The following SLA variants were observed in gnomAD, a reference collection of about 807,000 sequenced individuals.
SLA encodes the protein Src like adaptor.
A neutral mutation model predicts 30.3 loss-of-function variants in SLA; 16 were observed. The observed-to-expected ratio is 0.53, with a 90% CI of 0.36 to 0.80. The LOEUF (loss-of-function observed/expected upper bound fraction) is 0.80, where lower values mean the gene tolerates loss of function less well. Among genes scored for constraint, SLA ranks in the 30% least tolerant of loss-of-function variants. The pLI, the probability that SLA is intolerant of heterozygous loss-of-function variation, is 0.01. For missense variants in SLA, 310 were observed against 345.2 expected (o/e 0.90, Z 0.81); for synonymous variants, 143 against 137.8 (o/e 1.04, Z -0.26).
intron 2 of SLA, among the ~76,000 whole-genome samples, chr8:133,070,020 A>C (rs1843736533): frequency 1.0e-5 from 1 of 95,468 alleles, no homozygotes; most frequent in Non-Finnish European, 2.6e-5. Flanking sequence ...AAAAAAAAAA[A>C]AAAAAAGAAA....
At chr8:133,063,400 G>C (rs1475020443) in intron 2 of SLA, among the ~76,000 whole-genome samples, 1 of 151,574 alleles carries the variant, frequency 6.6e-6, no homozygotes, top group Non-Finnish European at 1.5e-5. Flanking sequence ...ACAAGATTTT[G>C]CTATCCATCA....
chr8:133,087,000 G>A (rs1013445119), intron 1 of SLA, among the ~76,000 whole-genome samples: 1 of 151,594 alleles, frequency 6.6e-6, no homozygotes, highest in Non-Finnish European at 1.5e-5. Context: ...GAATGATATC[G>A]ACAATGGATT....
chr8:133,060,203 G>C lies in SLA; in HGVS notation c.-40-3C>G, dbSNP rs201888466. On this transcript the variant is annotated splice_region_variant and splice_polypyrimidine_tract_variant and intron_variant, in intron 2 of 8. Coordinates refer to ENST00000338087, the MANE Select transcript of SLA (RefSeq NM_001045556.3). ...GGGCCGCTGGTGATGCCCAGAGCCT[G>C]TGGTATAGGAGACAGACGGGGAAAG... 6.2e-6 allele frequency: 10 copies of C among 1,613,564 alleles called. No individual in the cohort carries two copies. Among genetic ancestry groups the C allele is most frequent in the Admixed American group, 5.0e-5 (3 of 59,926 alleles).
At chr8:133,041,489 C>T (rs1034234675) in intron 7 of SLA, among the ~76,000 whole-genome samples, 11 of 152,086 alleles carry the variant, frequency 7.2e-5, no homozygotes, top group East Asian at 1.9e-4. Flanking sequence ...GAGATTTAAT[C>T]GGGTGGGAAT....
intron 2 of SLA, among the ~76,000 whole-genome samples, chr8:133,066,731 G>A (rs1220236555): frequency 6.6e-6 from 1 of 152,196 alleles, no homozygotes; most frequent in Non-Finnish European, 1.5e-5. Context: ...TCTGAGCCTT[G>A]ATTTTCAAAT....
chr8:133,039,011 G>A (rs948129192), intron 8 of SLA, among the ~76,000 whole-genome samples: 2 of 152,104 alleles, frequency 1.3e-5, no homozygotes, highest in Non-Finnish European at 2.9e-5. Context: ...CTGAGTAGCT[G>A]GGATTACAAC....
At chr8:133,085,017 C>T (rs535349407) in intron 1 of SLA, among the ~76,000 whole-genome samples, 3 of 152,334 alleles carry the variant, frequency 2.0e-5, no homozygotes, top group Non-Finnish European at 2.9e-5. Flanking sequence ...GAGGCACAGT[C>T]GTGTCTCCCT....
chr8:133,073,944 G>C (rs1036816966), intron 2 of SLA, among the ~76,000 whole-genome samples: 1 of 152,024 alleles, frequency 6.6e-6, no homozygotes, highest in Non-Finnish European at 1.5e-5. Context: ...AACTTTTTAT[G>C]CATTGCTCCT....
At chr8:133,077,364 C>T (rs767208063) in intron 1 of SLA, among the ~76,000 whole-genome samples, 3 of 152,114 alleles carry the variant, frequency 2.0e-5, no homozygotes, top group Admixed American at 6.6e-5. Context: ...AGGTCAGGGC[C>T]GCAGGCTCTT....
At chr8:133,072,735 C>A (rs796154950) in intron 2 of SLA, among the ~76,000 whole-genome samples, 13 of 152,312 alleles carry the variant, frequency 8.5e-5, no homozygotes, top group African/African-American at 2.9e-4. Flanking sequence ...AATACATTGC[C>A]AGATTTCACA....
At chr8:133,067,033 C>T (rs1460735963) in intron 2 of SLA, among the ~76,000 whole-genome samples, 2 of 152,188 alleles carry the variant, frequency 1.3e-5, no homozygotes, top group Non-Finnish European at 2.9e-5. Context: ...CCAGTACCGG[C>T]ACAATTGACT....
chr8:133,050,248 A>T (rs532504486), intron 4 of SLA: 1 of 513,400 alleles, frequency 1.9e-6, no homozygotes, highest in South Asian at 2.5e-5. Context: ...AGGGATTAGC[A>T]GCTAATGTTC....
intron 1 of SLA, chr8:133,094,690 G>A (rs753991230): frequency 1.6e-5 from 6 of 372,130 alleles, no homozygotes; most frequent in Non-Finnish European, 2.6e-5. Flanking sequence ...TCTTTGCAGA[G>A]TTCTCTTCCC....
chr8:133,066,739 A>G (rs1364816529), intron 2 of SLA, among the ~76,000 whole-genome samples: 1 of 152,198 alleles, frequency 6.6e-6, no homozygotes, highest in Non-Finnish European at 1.5e-5. Context: ...TTGATTTTCA[A>G]ATCCACTAAT....
intron 1 of SLA, among the ~76,000 whole-genome samples, chr8:133,076,914 T>A (rs1369630948): frequency 6.6e-6 from 1 of 152,152 alleles, no homozygotes; most frequent in Non-Finnish European, 1.5e-5. Flanking sequence ...GTTATTTGAA[T>A]ATGTACTACA....
intron 1 of SLA, among the ~76,000 whole-genome samples, chr8:133,093,083 GTT>G (rs1847822948): frequency 6.6e-6 from 1 of 151,530 alleles, no homozygotes; most frequent in Admixed American, 6.6e-5. Context: ...AGAACACGGA[GTT>G]TTGAGCTTGA....
At chr8:133,050,646 C>T (rs2131220736) in intron 4 of SLA, 170 bp downstream of exon 4, 1 of 595,664 alleles carries the variant, frequency 1.7e-6, no homozygotes, top group South Asian at 2.0e-5. Flanking sequence ...GGTTCTAGAG[C>T]ACTGGCCACA....
intron 3 of SLA, among the ~76,000 whole-genome samples, chr8:133,057,785 A>C (rs905125116): frequency 3.3e-5 from 5 of 152,012 alleles, no homozygotes; most frequent in East Asian, 3.8e-4. Flanking sequence ...AAAAAAAAAA[A>C]AACAAAAAAA....
At chr8:133,076,491 C>G (rs1844882415) in intron 1 of SLA, among the ~76,000 whole-genome samples, 1 of 152,138 alleles carries the variant, frequency 6.6e-6, no homozygotes, top group Admixed American at 6.5e-5. Flanking sequence ...TACAAAGGAA[C>G]TATTGCAAAA....
Sources: allele counts gnomAD v4.1 joint callset (sites outside exome capture counted in the v4.1 genomes callset), GRCh38; gene constraint gnomAD v4.1.1; transcripts MANE v1.5; gene names NCBI Gene and HGNC (gene_info 2026-07-23, HGNC 2026-07-21).